Variants in SLC24A2 observed in about 807,000 individuals in gnomAD.
SLC24A2 encodes the protein sodium/potassium/calcium exchanger 2.
A neutral mutation model predicts 62.0 loss-of-function variants in SLC24A2; 36 were observed. The ratio of observed to expected loss-of-function variants is 0.58; its 90% CI spans 0.44 to 0.77. The LOEUF (loss-of-function observed/expected upper bound fraction) is 0.77, where lower values mean the gene tolerates loss of function less well. Among genes scored for constraint, SLC24A2 ranks in the 30% least tolerant of loss-of-function variants. The pLI is 0.00. For synonymous variants in SLC24A2, 358 were observed against 294.0 expected (o/e 1.22, Z -2.23); for missense variants, 846 against 817.9 (o/e 1.03, Z -0.42).
chr9:20,266,956 T>C, the SLC24A2 span, among the ~76,000 whole-genome samples: 3 of 151,722 alleles, frequency 2.0e-5, no homozygotes, highest in Non-Finnish European at 4.4e-5. Context: ...GTGGAACACA[T>C]CTGTAGTCCT....
the SLC24A2 span, among the ~76,000 whole-genome samples, chr9:20,252,658 A>G: frequency 6.6e-6 from 1 of 152,340 alleles, no homozygotes; most frequent in East Asian, 1.9e-4. Context: ...GGCTGATGGT[A>G]AGAAACTCAG....
chr9:20,074,965 C>G, the SLC24A2 span, among the ~76,000 whole-genome samples: 2 of 152,096 alleles, frequency 1.3e-5, no homozygotes, highest in Admixed American at 1.3e-4. Flanking sequence ...GGATTTTTGT[C>G]AAGTTACTCT....
the SLC24A2 span, among the ~76,000 whole-genome samples, chr9:20,304,312 G>C: frequency 6.6e-6 from 1 of 152,022 alleles, no homozygotes; most frequent in African/African-American, 2.4e-5. Context: ...ATTCTGCAAA[G>C]GGCTTATAAA....
chr9:19,780,735 C>A (rs559619028), intron 2 of SLC24A2, among the ~76,000 whole-genome samples: 1 of 151,250 alleles, frequency 6.6e-6, no homozygotes, highest in Non-Finnish European at 1.5e-5. Context: ...TAGCCGGGCG[C>A]GGTGGCAGGC....
the SLC24A2 span, among the ~76,000 whole-genome samples, chr9:20,151,433 T>A: frequency 6.6e-6 from 1 of 151,926 alleles, no homozygotes; most frequent in Non-Finnish European, 1.5e-5. Flanking sequence ...AGGTATTTAG[T>A]GCATGGCCTT....
chr9:19,659,122 G>A (rs1819021234), intron 2 of SLC24A2, among the ~76,000 whole-genome samples: 1 of 152,178 alleles, frequency 6.6e-6, no homozygotes, highest in Admixed American at 6.5e-5. Flanking sequence ...AGTCCAATAT[G>A]AGTCGAGTCC....
chr9:20,079,525 T>A, the SLC24A2 span, among the ~76,000 whole-genome samples: 1 of 152,210 alleles, frequency 6.6e-6, no homozygotes, highest in African/African-American at 2.4e-5. Context: ...ATACTGCACA[T>A]TGGCCACAAA....
chr9:20,218,566 G>C, the SLC24A2 span, among the ~76,000 whole-genome samples: 2 of 152,090 alleles, frequency 1.3e-5, no homozygotes, highest in East Asian at 1.9e-4. Flanking sequence ...TGAATTTTAT[G>C]AATGAGAAAT....
the SLC24A2 span, among the ~76,000 whole-genome samples, chr9:19,911,017 T>C: frequency 2.6e-5 from 4 of 151,202 alleles, no homozygotes; most frequent in African/African-American, 4.9e-5. Flanking sequence ...GCTGCACCCA[T>C]TAACTTGTCA....
chr9:19,565,475 C>CA, intron 7 of SLC24A2, among the ~76,000 whole-genome samples: 2 of 151,052 alleles, frequency 1.3e-5, no homozygotes, highest in Non-Finnish European at 2.9e-5. Flanking sequence ...AGGATACAAA[C>CA]AAATGGAAGA....
chr9:20,238,979 A>C, the SLC24A2 span, among the ~76,000 whole-genome samples: 2 of 152,346 alleles, frequency 1.3e-5, no homozygotes, highest in South Asian at 4.1e-4. Context: ...TCTAGAAAGC[A>C]GCCATCTATA....
At chr9:20,164,821 C>T in the SLC24A2 span, among the ~76,000 whole-genome samples, 1 of 151,660 alleles carries the variant, frequency 6.6e-6, no homozygotes, top group African/African-American at 2.4e-5. Flanking sequence ...ATGATGAGTT[C>T]ATGTCCTTTT....
At chr9:19,737,736 T>TA (rs1402012416) in intron 2 of SLC24A2, among the ~76,000 whole-genome samples, 1 of 152,056 alleles carries the variant, frequency 6.6e-6, no homozygotes, top group African/African-American at 2.4e-5. Context: ...AAGATGCAAA[T>TA]AAATTACTGA....
At chr9:20,009,561 C>T in the SLC24A2 span, among the ~76,000 whole-genome samples, 1 of 152,042 alleles carries the variant, frequency 6.6e-6, no homozygotes, top group Non-Finnish European at 1.5e-5. Flanking sequence ...AGCATTGAAT[C>T]CCTAGCCAGC....
At chr9:20,159,473 A>G in the SLC24A2 span, among the ~76,000 whole-genome samples, 1 of 151,716 alleles carries the variant, frequency 6.6e-6, no homozygotes, top group African/African-American at 2.4e-5. Flanking sequence ...ATTTTAACCA[A>G]TATATAAGTA....
At chr9:19,740,960 T>C (rs1293219706) in intron 2 of SLC24A2, among the ~76,000 whole-genome samples, 1 of 152,004 alleles carries the variant, frequency 6.6e-6, no homozygotes, top group Admixed American at 6.6e-5. Context: ...ACTGAACCAT[T>C]GAATCACAGT....
rs576297499 is a variant in SLC24A2, at chr9:19,699,240, T to A, written c.931-76941A>T. Among the ~76,000 whole-genome samples the A allele has an allele frequency of 3.3e-5, 5 of 152,238 alleles. No homozygotes were observed. The South Asian group carries it at 1.0e-3, about 32-fold the overall frequency. On this transcript the variant is annotated intron_variant, in intron 2 of 10. Transcript: ENST00000341998. ...ATGGGGACAAGAACGGCTGGCAAAGTAAACATGGGAAAACATATTCAGTGT... is the reference window on the plus strand; with the variant it reads ...ATGGGGACAAGAACGGCTGGCAAAGAAAACATGGGAAAACATATTCAGTGT...
At chr9:19,900,599 G>C in the SLC24A2 span, among the ~76,000 whole-genome samples, 4 of 152,138 alleles carry the variant, frequency 2.6e-5, no homozygotes, top group African/African-American at 4.8e-5. Flanking sequence ...ATACTAGTAA[G>C]ACTTATTTTA....
the SLC24A2 span, among the ~76,000 whole-genome samples, chr9:20,035,750 C>A: frequency 6.6e-6 from 1 of 152,092 alleles, no homozygotes; most frequent in African/African-American, 2.4e-5. Flanking sequence ...GAGTGAGAAC[C>A]TGTCTCAATA....
Sources: gnomAD v4.1 joint callset for allele counts (sites outside exome capture counted in the v4.1 genomes callset) on GRCh38, gnomAD v4.1.1 for gene constraint, MANE v1.5 for transcripts, NCBI Gene and HGNC (gene_info 2026-07-23, HGNC 2026-07-21) for gene names.